The following TNKS1BP1 variants were observed in gnomAD, a reference collection of about 807,000 sequenced individuals.
TNKS1BP1 encodes CCR4-NOT transcription complex subunit 12, also known as 182 kDa tankyrase-1-binding protein.
In TNKS1BP1, 48 loss-of-function variants were observed where a neutral mutation model predicts 141.1. The ratio of observed to expected loss-of-function variants is 0.34; its 90% CI spans 0.27 to 0.43. The LOEUF is 0.43. Ranked by LOEUF, TNKS1BP1 falls within the 20% of genes least tolerant of loss-of-function variation. TNKS1BP1 has a pLI of 1.00. For missense variants in TNKS1BP1, 2,149 were observed against 2,226.0 expected, an observed-to-expected ratio of 0.97 and a Z score of 0.70; for synonymous variants, 875 against 898.2, an observed-to-expected ratio of 0.97 and a Z score of 0.46.
chr11:57,306,134 C>T (rs1486853966), intron 6 of TNKS1BP1, among the ~76,000 whole-genome samples: 2 of 152,008 alleles, frequency 1.3e-5, no homozygotes, highest in Non-Finnish European at 2.9e-5. Context: ...AAAAATTAGC[C>T]GGGCGTGGTG....
At position 57,321,819 on chromosome 11, in the gene TNKS1BP1, C is replaced by T. The variant is rs1191743183; in HGVS notation, c.67G>A (p.Glu23Lys). The T allele has an allele frequency of 6.2e-7, 1 of 1,613,850 alleles. No individual in the cohort carries two copies. The highest frequency in any genetic ancestry group is 8.5e-7 in the Non-Finnish European group (1 of 1,179,940). The change falls in exon 2 of 12, where the codon GAG (glutamate) becomes AAG (lysine). Residue 23 changes from glutamate to lysine, a missense_variant. By Grantham distance (56) the Glu-to-Lys change is moderately conservative (BLOSUM62 1). Coordinates refer to ENST00000358252, the MANE Select transcript of TNKS1BP1 (RefSeq NM_033396.3). The part of the protein sequence containing the change: ...ASPLPREMEE[E>K]LVPTGSEPGD... ...GGCTCAGAGCCAGTAGGCACCAGCT[C>T]CTCCTCCATCTCCCGGGGCAGTGGG...
Position 57,312,656 on chromosome 11 carries a change from G to C in TNKS1BP1, c.2032C>G (p.Pro678Ala), listed in dbSNP as rs1400600408. 1 of 1,586,498 alleles carries C rather than the reference G, an allele frequency of 6.3e-7. No homozygotes were observed. The highest frequency in any genetic ancestry group is 2.2e-5 in the East Asian group (1 of 44,552). Residue 678 changes from proline to alanine, a missense_variant, in exon 5 of 12, where the codon CCT (proline) becomes GCT (alanine). Pro to Ala is a conservative substitution (Grantham distance 27, BLOSUM62 -1). Transcript: ENST00000358252. ...LCRASPEPPG[P>A]ESSSRWLDDL... ...TCCAGCCAGCGGGAGCTGCTTTCAGGGCCTGGAGGCTCGGGGGATGCCCTA... is the reference window on the plus strand; with the variant it reads ...TCCAGCCAGCGGGAGCTGCTTTCAGCGCCTGGAGGCTCGGGGGATGCCCTA...
intron 4 of TNKS1BP1, among the ~76,000 whole-genome samples, chr11:57,316,163 CA>C (rs922377479): frequency 2.0e-5 from 3 of 152,128 alleles, no homozygotes; most frequent in African/African-American, 4.8e-5. Flanking sequence ...GAGCTGAATC[CA>C]ATTCTCTGTG....
rs1855542607 is a variant in TNKS1BP1, at chr11:57,302,562, G to A, written c.4580C>T (p.Ser1527Phe). The change falls in exon 7 of 12, where the codon TCT (serine) becomes TTT (phenylalanine). Residue 1527 changes from serine (S) to phenylalanine (F), a missense_variant. Coordinates refer to ENST00000358252, the MANE Select transcript of TNKS1BP1 (RefSeq NM_033396.3). The surrounding 1 kb of genome is among the most constrained non-coding windows in gnomAD (Gnocchi z 5.5). ...CTGATCGCTCCACCTGGCTGCTGAA[G>A]AGCCCCAGGTGCCATCCACGTCTTC... ...QTEDVDGTWG[S>F]SAARWSDQGP... 2 of 1,613,160 alleles carry A rather than the reference G, an allele frequency of 1.2e-6. No individual in the cohort carries two copies. The highest frequency in any genetic ancestry group is 1.7e-6 in the Non-Finnish European group (2 of 1,179,904).
intron 5 of TNKS1BP1, among the ~76,000 whole-genome samples, chr11:57,310,819 T>G (rs952269592): frequency 6.6e-6 from 1 of 152,216 alleles, no homozygotes; most frequent in Admixed American, 6.5e-5. Flanking sequence ...GTGCTTGGCA[T>G]GCAGTGGGCA....
intron 6 of TNKS1BP1, among the ~76,000 whole-genome samples, chr11:57,303,760 A>T (rs1451654854): frequency 6.6e-6 from 1 of 152,082 alleles, no homozygotes; most frequent in Non-Finnish European, 1.5e-5. Flanking sequence ...AAAACACAAT[A>T]CAGCTGGACA....
intron 5 of TNKS1BP1, among the ~76,000 whole-genome samples, chr11:57,312,207 G>T (rs548962272): frequency 3.9e-4 from 60 of 152,290 alleles, no homozygotes; most frequent in African/African-American, 1.4e-3. Flanking sequence ...TGTGCCGAGA[G>T]CTTTCCACCT....
rs138321958 is a variant in TNKS1BP1 at position 57,302,543 on chromosome 11, G to C, written c.4599C>G (p.Ser1533Arg). 2.5e-6 allele frequency: 4 copies of C among 1,612,942 alleles called. No individual in the cohort carries two copies. The highest frequency in any genetic ancestry group is 1.3e-5 in the African/African-American group (1 of 75,020). Residue 1533 changes from serine (S) to arginine (R), a missense_variant, in exon 7 of 12, where the codon AGC becomes AGG. Coordinates refer to ENST00000358252, the MANE Select transcript of TNKS1BP1 (RefSeq NM_033396.3). The surrounding 1 kb of genome is among the most constrained non-coding windows in gnomAD (Gnocchi z 5.5). ...GAGAAGTCTGTGCTGGCCCCTGATC[G>C]CTCCACCTGGCTGCTGAAGAGCCCC... ...GTWGSSAARW[S>R]DQGPAQTSRR...
rs745959121 is a variant in TNKS1BP1 at position 57,301,001 on chromosome 11, T to C, written c.5012A>G (p.Glu1671Gly). The change falls in exon 10 of 12, where the codon GAG (glutamate) becomes GGG (glycine). Residue 1671 changes from glutamate (E) to glycine (G), a missense_variant. By Grantham distance (98) the Glu-to-Gly change is moderately conservative. Coordinates refer to ENST00000358252, the MANE Select transcript of TNKS1BP1 (RefSeq NM_033396.3). ...RPRNRSAEEG[E>G]LAESKSSQKE... ...CTGGCTCGACTTGCTCTCAGCCAGC[T>C]CTCCCTCCTCAGCTGAGCGATTCCG... 1 of 1,613,716 alleles carries C rather than the reference T, an allele frequency of 6.2e-7. No individual in the cohort carries two copies. The highest frequency in any genetic ancestry group is 2.2e-5 in the East Asian group (1 of 44,870).
At position 57,302,999 on chromosome 11, in the gene TNKS1BP1, G is replaced by A; in HGVS notation, c.4317-174C>T. On this transcript the variant is annotated intron_variant, in intron 6 of 11. Transcript: ENST00000358252. This position sits in a 1 kb window ranked among gnomAD's most constrained non-coding sequence, Gnocchi z 5.5. ...GCCTTGAGCAACACAGCACACAGGT[G>A]AAGAGCTGAGCCAGTCTGGCAGGTT... 3 of 716,284 alleles carry A rather than the reference G, an allele frequency of 4.2e-6. No homozygotes were observed. The highest frequency in any genetic ancestry group is 4.2e-6 in the Non-Finnish European group (2 of 480,556). The allele number at this position is 716,284 out of a possible 1,614,324, so 44.4% of individuals were successfully genotyped here.
chr11:57,317,810 T>A lies in TNKS1BP1; in HGVS notation c.798+8A>T. On this transcript the variant is annotated splice_region_variant and intron_variant, in intron 4 of 11. Coordinates refer to ENST00000358252, the MANE Select transcript of TNKS1BP1 (RefSeq NM_033396.3). ...GTGATTCTGATTCATAACTGGAGGA[T>A]AACTCACATCAGCAGGTAGCTCCGA... 6.2e-7 allele frequency: 1 copy of A among 1,613,262 alleles called. No individual in the cohort carries two copies. The highest frequency in any genetic ancestry group is 8.5e-7 in the Non-Finnish European group (1 of 1,179,272).
At chr11:57,307,747 T>G (rs572528953) in intron 6 of TNKS1BP1, among the ~76,000 whole-genome samples, 19 of 152,350 alleles carry the variant, frequency 1.2e-4, no homozygotes, top group African/African-American at 4.6e-4. Flanking sequence ...CCATCTCAGC[T>G]GGTTTTAAAA....
chr11:57,314,823 G>A (rs941962708), intron 4 of TNKS1BP1, among the ~76,000 whole-genome samples: 17 of 152,036 alleles, frequency 1.1e-4, no homozygotes, highest in Admixed American at 9.2e-4. Flanking sequence ...CTCCCATGTC[G>A]TTAATTCTCC....
intron 6 of TNKS1BP1, among the ~76,000 whole-genome samples, chr11:57,306,700 C>G (rs1206254043): frequency 6.6e-6 from 1 of 152,182 alleles, no homozygotes; most frequent in Admixed American, 6.5e-5. Context: ...AAAGTCAACA[C>G]TGGCCAGATT....
chr11:57,308,323 A>G (rs1453248450), intron 6 of TNKS1BP1, 72 bp downstream of exon 6: 18 of 1,522,810 alleles, frequency 1.2e-5, no homozygotes, highest in South Asian at 6.7e-5. Context: ...TTCCCTCCTC[A>G]GAAAGGTTCC....
rs752942537 is a variant in TNKS1BP1, at chr11:57,309,342, C to G, written c.3369G>C (p.Gln1123His). The change falls in exon 6 of 12, where the codon CAG (glutamine) becomes CAC (histidine). Residue 1123 changes from glutamine (Q) to histidine (H), a missense_variant. Transcript: ENST00000358252. This position sits in a 1 kb window ranked among gnomAD's most constrained non-coding sequence, Gnocchi z 4.3. ...FCIEASERSY[Q>H]FGIIGNDRVS... ...CTCTGTCGTTGCCAATGATGCCAAA[C>G]TGATAGCTCCTCTCACTGGCCTCGA... 7 of 1,614,184 alleles carry G rather than the reference C, an allele frequency of 4.3e-6. 1 individual carries two copies. The South Asian group carries it at 7.7e-5, about 18-fold the overall frequency.
chr11:57,303,902 G>A (rs1370605025), intron 6 of TNKS1BP1, among the ~76,000 whole-genome samples: 2 of 152,048 alleles, frequency 1.3e-5, no homozygotes, highest in East Asian at 1.9e-4. Flanking sequence ...ATACAAACAC[G>A]GCACAAGCAC....
At chr11:57,312,247 C>T (rs1318522367) in intron 5 of TNKS1BP1, among the ~76,000 whole-genome samples, 1 of 152,192 alleles carries the variant, frequency 6.6e-6, no homozygotes, top group East Asian at 1.9e-4. Context: ...CTCTAAGAGG[C>T]CAATGCTACT....
rs1855679509 is a variant in TNKS1BP1, at chr11:57,309,986, A to C, written c.2725T>G (p.Leu909Val). 6.2e-7 allele frequency: 1 copy of C among 1,613,538 alleles called. No individual in the cohort carries two copies. Among genetic ancestry groups the C allele is most frequent in the African/African-American group, 1.3e-5 (1 of 74,752 alleles). Residue 909 changes from leucine to valine, a missense_variant, in exon 6 of 12, where the codon TTG (leucine) becomes GTG (valine). Transcript: ENST00000358252. The surrounding 1 kb of genome is among the most constrained non-coding windows in gnomAD (Gnocchi z 4.3). The part of the protein sequence containing the change: ...SQDANEQGQD[L>V]GKRDHHGRYS... ...CTACCATGGTGGTCCCTCTTCCCCA[A>C]ATCTTGGCCCTGCTCGTTGGCATCT...
Sources: gnomAD v4.1 joint callset for allele counts (sites outside exome capture counted in the v4.1 genomes callset) on GRCh38, gnomAD v4.1.1 for gene constraint, Gnocchi (gnomAD v3.1) non-coding constraint, MANE v1.5 for transcripts, NCBI Gene and HGNC (gene_info 2026-07-23, HGNC 2026-07-21) for gene names.